DTD2: variants seen among roughly 807,000 people sequenced by gnomAD.
DTD2 encodes the protein D-tyrosyl-tRNA deacylase 2 (putative).
In DTD2, 12 loss-of-function variants were observed where a neutral mutation model predicts 15.5. The ratio of observed to expected loss-of-function variants is 0.77; its 90% CI spans 0.50 to 1.25. DTD2 has a LOEUF of 1.25. DTD2 is among the 50% of genes most tolerant of loss of function. DTD2 has a pLI of 0.00. For synonymous variants in DTD2, 59 were observed against 77.3 expected (o/e 0.76, Z 1.24); for missense variants, 170 against 201.1 (o/e 0.85, Z 0.93).
At chr14:31,451,782 T>C (rs1464613041) in intron 2 of DTD2, among the ~76,000 whole-genome samples, 1 of 152,240 alleles carries the variant, frequency 6.6e-6, no homozygotes, top group African/African-American at 2.4e-5. Context: ...TAATCCAACT[T>C]ATTAATGGAT....
chr14:31,447,859 C>T lies in DTD2; in HGVS notation c.*270G>A, dbSNP rs1227636320. On this transcript the variant is annotated 3_prime_UTR_variant, in exon 3 of 3. Transcript: ENST00000310850. ...AACAAAAAAACAATTAAGAACATTTCCTTAATGACTATGAAGTGAATAGAC... is the reference window on the plus strand; with the variant it reads ...AACAAAAAAACAATTAAGAACATTTTCTTAATGACTATGAAGTGAATAGAC... 2 of 333,594 alleles carry T rather than the reference C, an allele frequency of 6.0e-6. No homozygotes were observed. Among genetic ancestry groups the T allele is most frequent in the Admixed American group, 4.7e-5 (1 of 21,312 alleles). 20.7% of individuals were successfully genotyped at this position (333,594 alleles called of 1,614,324 possible).
chr14:31,448,505 G>A, intron 2 of DTD2, 51 bp from the exon 3 acceptor site: 3 of 1,496,458 alleles, frequency 2.0e-6, no homozygotes, highest in Non-Finnish European at 2.7e-6. Flanking sequence ...CAAACATGAA[G>A]AAAACCATCA....
intron 1 of DTD2, chr14:31,457,073 C>T (rs983822284): frequency 6.7e-5 from 38 of 571,378 alleles, no homozygotes; most frequent in African/African-American, 6.2e-4. Context: ...CTCTCGGGTG[C>T]TACAACTGGC....
intron 1 of DTD2, among the ~76,000 whole-genome samples, chr14:31,454,518 GTTA>G (rs1313934749): frequency 1.3e-5 from 2 of 152,202 alleles, no homozygotes; most frequent in African/African-American, 2.4e-5. Context: ...AAGCTGGCAA[GTTA>G]TTATAGGTAT....
rs1013148465 is a variant in DTD2, at chr14:31,448,377, T to C, written c.259A>G (p.Ile87Val). The change falls in exon 3 of 3, where the codon ATT becomes GTT. Residue 87 changes from isoleucine (I) to valine (V), a missense_variant. Coordinates refer to ENST00000310850, the MANE Select transcript of DTD2 (RefSeq NM_080664.3). ...HVSILDLPGN[I>V]LIIPQATLGG... The stretch of plus-strand genomic sequence containing the variant: ...AGGGTAGCTTGAGGGATAATAAGAA[T>C]GTTGCCAGGTAGATCCAATATAGAG... 15 of 1,614,112 alleles carry C rather than the reference T, an allele frequency of 9.3e-6. No individual in the cohort carries two copies. The highest frequency in any genetic ancestry group is 2.7e-5 in the African/African-American group (2 of 74,944).
In DTD2 at chr14:31,448,474, A is replaced by G. The variant is rs755816721; in HGVS notation, c.182-20T>C. ...TATTAACTGGGTGAGGAAGAAAGGC[A>G]AAACATTTTAAAGTGAAAAACAAAC... On this transcript the variant is annotated intron_variant, in intron 2 of 2. Transcript: ENST00000310850. The G allele has an allele frequency of 1.9e-6, 3 of 1,554,442 alleles. No individual in the cohort carries two copies. The highest frequency in any genetic ancestry group is 1.2e-5 in the South Asian group (1 of 82,046).
chr14:31,449,624 T>C (rs2032006454), intron 2 of DTD2, among the ~76,000 whole-genome samples: 1 of 152,178 alleles, frequency 6.6e-6, no homozygotes, highest in Non-Finnish European at 1.5e-5. Flanking sequence ...ATTAACCATT[T>C]TTGAAACAAT....
intron 2 of DTD2, 141 bp downstream of exon 2, chr14:31,453,134 T>C (rs557231070): frequency 1.4e-6 from 1 of 702,272 alleles, no homozygotes; most frequent in African/African-American, 1.8e-5. Flanking sequence ...AGAAGAGGTC[T>C]TACTATGTTG....
Position 31,457,492 on chromosome 14 carries a change from G to C in DTD2, c.-99C>G. On this transcript the variant is annotated 5_prime_UTR_variant, in exon 1 of 3. Coordinates refer to ENST00000310850, the MANE Select transcript of DTD2 (RefSeq NM_080664.3). ...GGCAGACGAGGCGGGGCACGACGAA[G>C]GGCCTGCGCCGATTGCCCAGTGGCC... 1.1e-6 allele frequency: 1 copy of C among 899,788 alleles called. No homozygotes were observed. The highest frequency in any genetic ancestry group is 1.6e-6 in the Non-Finnish European group (1 of 632,116). 55.7% of individuals were successfully genotyped at this position (899,788 alleles called of 1,614,324 possible).
Position 31,447,948 on chromosome 14 carries a change from A to G in DTD2, c.*181T>C, listed in dbSNP as rs2031981200. 2 of 560,070 alleles carry G rather than the reference A, an allele frequency of 3.6e-6. No homozygotes were observed. The highest frequency in any genetic ancestry group is 2.6e-5 in the South Asian group (1 of 38,052). 34.7% of individuals were successfully genotyped at this position (560,070 alleles called of 1,614,324 possible). ...GTAGGACAAAAGGTGACTGAGATCC[A>G]GAGTTTAGGTGACTTGGCAAAGTCA... On this transcript the variant is annotated 3_prime_UTR_variant, in exon 3 of 3. Coordinates refer to ENST00000310850, the MANE Select transcript of DTD2 (RefSeq NM_080664.3).
chr14:31,457,030 T>C (rs2032101769), intron 1 of DTD2: 1 of 534,998 alleles, frequency 1.9e-6, no homozygotes, highest in Non-Finnish European at 3.3e-6. Flanking sequence ...TTCAAATACC[T>C]GTGGTCCCCC....
chr14:31,456,869 T>C (rs1173608332), intron 1 of DTD2, among the ~76,000 whole-genome samples: 2 of 151,990 alleles, frequency 1.3e-5, no homozygotes. Context: ...CAAGTCAACA[T>C]AGGGGGGAAT....
At chr14:31,450,947 A>T (rs998559063) in intron 2 of DTD2, among the ~76,000 whole-genome samples, 15 of 152,230 alleles carry the variant, frequency 9.9e-5, no homozygotes, top group Non-Finnish European at 1.8e-4. Context: ...AATTCATAAG[A>T]CAACTTTATG....
intron 1 of DTD2, among the ~76,000 whole-genome samples, chr14:31,454,484 G>C (rs138218496): frequency 1.6e-3 from 246 of 152,320 alleles, no homozygotes; most frequent in South Asian, 9.3e-3. Context: ...CAATAGGCAA[G>C]GGCCTCCAAT....
rs552520429 is a variant in DTD2 at position 31,452,938 on chromosome 14, CT to C, written c.181+336del. ...GTCTATTACTATTCTTTCTCACTCT[CT>C]TTTTTTTTTTTTTTTTGAGACAGGG... On this transcript the variant is annotated intron_variant, in intron 2 of 2. Coordinates refer to ENST00000310850, the MANE Select transcript of DTD2 (RefSeq NM_080664.3). 562 of 142,498 alleles carry C rather than the reference CT, an allele frequency of 3.9e-3. 1 individual carries two copies. The highest frequency in any genetic ancestry group is 0.01 in the Middle Eastern group (3 of 288). The allele number at this position is 142,498 out of a possible 1,614,324, so 8.8% of individuals were successfully genotyped here.
At chr14:31,448,509 A>G (rs962706842) in intron 2 of DTD2, 55 bp from the exon 3 acceptor site, 1 of 1,482,998 alleles carries the variant, frequency 6.7e-7, no homozygotes, top group Non-Finnish European at 9.1e-7. Flanking sequence ...CATGAAGAAA[A>G]CCATCAAGTT....
At chr14:31,454,363 C>T (rs949355339) in intron 1 of DTD2, among the ~76,000 whole-genome samples, 2 of 152,174 alleles carry the variant, frequency 1.3e-5, no homozygotes, top group Non-Finnish European at 2.9e-5. Flanking sequence ...GTTCCAGGCT[C>T]TATGCGTTAT....
Position 31,457,337 on chromosome 14 carries a change from G to C in DTD2, c.57C>G (p.His19Gln). The C allele has an allele frequency of 2.5e-6, 4 of 1,595,908 alleles. No individual in the cohort carries two copies. Among genetic ancestry groups the C allele is most frequent in the Non-Finnish European group, 3.4e-6 (4 of 1,172,944 alleles). Residue 19 changes from histidine to glutamine, a missense_variant, in exon 1 of 3, where the codon CAC (histidine) becomes CAG (glutamine). Transcript: ENST00000310850. ...CGGCTGGGCGAATTTGCAGCCGGGC[G>C]TGCAGGCACTGCTGTAGGAGCGCCC... is the stretch of plus-strand genomic sequence containing the variant. ...QARALLQQCLHARLQIRPADG... is the reference protein window; with the variant it reads ...QARALLQQCLQARLQIRPADG...
Position 31,457,494 on chromosome 14 carries a change from G to GCCTGCGCCGATTGC in DTD2, c.-102_-101insGCAATCGGCGCAGG. ...CAGACGAGGCGGGGCACGACGAAGGGCCTGCGCCGATTGCCCAGTGGCCCC... is the reference window on the plus strand; with the variant it reads ...CAGACGAGGCGGGGCACGACGAAGGGCCTGCGCCGATTGCCCTGCGCCGATTGCCCAGTGGCCCC... On this transcript the variant is annotated 5_prime_UTR_variant, in exon 1 of 3. Coordinates refer to ENST00000310850, the MANE Select transcript of DTD2 (RefSeq NM_080664.3). 1 of 881,066 alleles carries GCCTGCGCCGATTGC rather than the reference G, an allele frequency of 1.1e-6. No individual in the cohort carries two copies. The allele number at this position is 881,066 out of a possible 1,614,324, so 54.6% of individuals were successfully genotyped here.
Sources: gnomAD v4.1 joint callset for allele counts (sites outside exome capture counted in the v4.1 genomes callset) on GRCh38, gnomAD v4.1.1 for gene constraint, MANE v1.5 for transcripts, NCBI Gene and HGNC (gene_info 2026-07-23, HGNC 2026-07-21) for gene names.